The following GPC3 variants were observed in gnomAD, a reference collection of about 807,000 sequenced individuals.
GPC3 encodes glypican-3.
Under a neutral mutation model 34.4 loss-of-function variants are expected in GPC3, and 3 were observed. The observed-to-expected ratio is 0.09, with a 90% CI of 0.04 to 0.23. The LOEUF (loss-of-function observed/expected upper bound fraction) is 0.23, where lower values mean the gene tolerates loss of function less well. Among genes scored for constraint, GPC3 ranks in the 10% least tolerant of loss-of-function variants. The probability of loss-of-function intolerance (pLI) is 1.00; values close to 1 mark genes in which losing one functional copy is unlikely to be tolerated. For missense variants in GPC3, 351 were observed against 445.6 expected (o/e 0.79, Z 1.91); for synonymous variants, 177 against 174.0 (o/e 1.02, Z -0.13).
intron 2 of GPC3, among the ~76,000 whole-genome samples, chrX:133,884,563 C>G (rs959522802): frequency 1.5e-4 from 17 of 111,533 alleles, no homozygotes; most frequent in African/African-American, 5.2e-4. Flanking sequence ...ATTACTCCTT[C>G]TACTATACAT....
chrX:133,985,277 G>T lies in GPC3; in HGVS notation c.173C>A (p.Pro58Gln). Residue 58 changes from proline (P) to glutamine (Q), a missense_variant and splice_region_variant, in exon 1 of 8, where the codon CCA (proline) becomes CAA (glutamine). Pro to Gln is a moderately conservative substitution (Grantham distance 76, BLOSUM62 -1). Coordinates refer to ENST00000370818, the MANE Select transcript of GPC3 (RefSeq NM_004484.4). ...GLKWVPETPVPGSDLQVCLPK... is the reference protein window; with the variant it reads ...GLKWVPETPVQGSDLQVCLPK... Reference sequence around the variant, plus strand: ...ACGCTCAAGGGACCCCTCCTCACCTGGCACGGGAGTTTCTGGCACCCACTT... The same window carrying T: ...ACGCTCAAGGGACCCCTCCTCACCTTGCACGGGAGTTTCTGGCACCCACTT... The T allele has an allele frequency of 8.3e-7, 1 of 1,210,710 alleles. No homozygotes were observed.
chrX:133,547,251 C>T (rs1269668929), intron 7 of GPC3, among the ~76,000 whole-genome samples: 2 of 110,757 alleles, frequency 1.8e-5, no homozygotes, highest in African/African-American at 6.6e-5. Context: ...ATAAAGATAG[C>T]AAAGTATATA....
intron 2 of GPC3, among the ~76,000 whole-genome samples, chrX:133,805,683 T>C (rs140957271): frequency 1.1e-3 from 122 of 111,932 alleles, no homozygotes; most frequent in African/African-American, 3.8e-3. Context: ...TTTTCCTTTA[T>C]AAAGAGGATA....
intron 2 of GPC3, among the ~76,000 whole-genome samples, chrX:133,818,097 C>T (rs1025500393): frequency 4.5e-5 from 5 of 111,450 alleles, no homozygotes; most frequent in Admixed American, 2.9e-4. Flanking sequence ...ATATAAATGA[C>T]GGCACCATAT....
At chrX:133,854,589 C>A (rs1016130605) in intron 2 of GPC3, among the ~76,000 whole-genome samples, 2 of 111,838 alleles carry the variant, frequency 1.8e-5, no homozygotes, top group African/African-American at 6.5e-5. Context: ...GAGTCCTATA[C>A]ATGTATATGT....
intron 5 of GPC3, among the ~76,000 whole-genome samples, chrX:133,683,994 A>T (rs1712976938): frequency 8.9e-6 from 1 of 112,421 alleles, no homozygotes; most frequent in Non-Finnish European, 1.9e-5. Context: ...CTTAGCTGCC[A>T]TAAATATTTC....
At chrX:133,649,926 A>T (rs1436383670) in intron 6 of GPC3, among the ~76,000 whole-genome samples, 1 of 109,326 alleles carries the variant, frequency 9.1e-6, no homozygotes, top group Non-Finnish European at 1.9e-5. Context: ...AGGCTCTGCA[A>T]TGCAAAAAAG....
chrX:133,658,673 T>C (rs2070690233), intron 6 of GPC3, among the ~76,000 whole-genome samples: 1 of 112,288 alleles, frequency 8.9e-6, no homozygotes, highest in East Asian at 2.8e-4. Context: ...CCAACCAATT[T>C]TAACAGCTCA....
At chrX:133,973,476 T>G (rs1458016675) in intron 1 of GPC3, among the ~76,000 whole-genome samples, 1 of 112,680 alleles carries the variant, frequency 8.9e-6, no homozygotes, top group Non-Finnish European at 1.9e-5. Flanking sequence ...GTGGTCCTTC[T>G]AAACTATTCC....
chrX:133,693,746 C>T (rs940706777), intron 4 of GPC3, among the ~76,000 whole-genome samples: 12 of 111,546 alleles, frequency 1.1e-4, no homozygotes, highest in Admixed American at 7.6e-4. Flanking sequence ...GGACTTAATC[C>T]GATTCTTCAT....
intron 6 of GPC3, among the ~76,000 whole-genome samples, chrX:133,631,228 A>T (rs771813957): frequency 1.8e-5 from 2 of 111,751 alleles, no homozygotes; most frequent in South Asian, 7.4e-4. Flanking sequence ...CAAAATTAAA[A>T]CTCTGTACCT....
At chrX:133,733,701 A>AG (rs1257313223) in intron 3 of GPC3, among the ~76,000 whole-genome samples, 2 of 111,279 alleles carry the variant, frequency 1.8e-5, no homozygotes, top group Non-Finnish European at 3.8e-5. Context: ...GGAATGAAAG[A>AG]GGGGGGACAT....
intron 2 of GPC3, among the ~76,000 whole-genome samples, chrX:133,936,696 C>T (rs1028189278): frequency 1.8e-5 from 2 of 112,194 alleles, no homozygotes; most frequent in African/African-American, 6.5e-5. Context: ...TTAGAGGGCT[C>T]CTGCATTTTG....
At chrX:133,636,802 T>C (rs1351700854) in intron 6 of GPC3, among the ~76,000 whole-genome samples, 1 of 111,826 alleles carries the variant, frequency 8.9e-6, no homozygotes, top group Non-Finnish European at 1.9e-5. Context: ...TGTTTTGTGG[T>C]AGGGGAGGGT....
chrX:133,820,856 C>A (rs1450219109), intron 2 of GPC3, among the ~76,000 whole-genome samples: 3 of 111,718 alleles, frequency 2.7e-5, no homozygotes, highest in Non-Finnish European at 1.9e-5. Flanking sequence ...GACAGAGGAG[C>A]AAATAGCTGG....
intron 3 of GPC3, among the ~76,000 whole-genome samples, chrX:133,728,009 G>A (rs781553595): frequency 3.6e-5 from 4 of 112,058 alleles, no homozygotes; most frequent in East Asian, 5.6e-4. Flanking sequence ...GATTAAAAAC[G>A]TGAAGCTGAC....
chrX:133,903,028 T>C (rs1035244224), intron 2 of GPC3, among the ~76,000 whole-genome samples: 2 of 110,477 alleles, frequency 1.8e-5, no homozygotes, highest in Admixed American at 9.7e-5. Context: ...GCAGATCACT[T>C]GAGGTCAGGA....
intron 7 of GPC3, among the ~76,000 whole-genome samples, chrX:133,544,090 G>A (rs1414656509): frequency 1.8e-5 from 2 of 111,671 alleles, no homozygotes; most frequent in Non-Finnish European, 3.8e-5. Context: ...AGTTAGCTGG[G>A]CATGGTGGCG....
At chrX:133,910,172 T>C (rs2076190958) in intron 2 of GPC3, among the ~76,000 whole-genome samples, 1 of 110,544 alleles carries the variant, frequency 9.0e-6, no homozygotes, top group Non-Finnish European at 1.9e-5. Context: ...TTATCCCTGA[T>C]CTCCATCCTC....
Sources: allele counts gnomAD v4.1 joint callset (sites outside exome capture counted in the v4.1 genomes callset), GRCh38; gene constraint gnomAD v4.1.1; transcripts MANE v1.5; gene names NCBI Gene and HGNC (gene_info 2026-07-23, HGNC 2026-07-21).